DOCK10: variants seen among roughly 807,000 people sequenced by gnomAD.
DOCK10 encodes dedicator of cytokinesis 10, also known as dedicator of cytokinesis protein 10.
Under a neutral mutation model 280.1 loss-of-function variants are expected in DOCK10, and 145 were observed. The ratio of observed to expected loss-of-function variants is 0.52; its 90% CI spans 0.45 to 0.59. The LOEUF is 0.59. Among genes scored for constraint, DOCK10 ranks in the 20% least tolerant of loss-of-function variants. The pLI, the probability that DOCK10 is intolerant of heterozygous loss-of-function variation, is 0.00. For synonymous variants in DOCK10, 915 were observed against 942.2 expected (o/e 0.97, Z 0.53); for missense variants, 2,368 against 2,651.7 (o/e 0.89, Z 2.35).
chr2:224,807,964 C>G lies in DOCK10; in HGVS notation c.3532G>C (p.Val1178Leu). Residue 1178 changes from valine to leucine, a missense_variant, in exon 32 of 56, where the codon GTC becomes CTC. Around this residue, in one of 2 missense-constraint regions of DOCK10, gnomAD observed 1,159 missense variants for 1,400.8 expected, o/e 0.83. Transcript: ENST00000258390. ...DQDVRHLALAVLKNLMAKHSF... is the reference protein window; with the variant it reads ...DQDVRHLALALLKNLMAKHSF... The stretch of plus-strand genomic sequence containing the variant: ...TGCTTAGCCATTAGATTTTTTAGGA[C>G]AGCTAAAGCTAAGTGTCTGACATCT... The G allele has an allele frequency of 6.2e-7, 1 of 1,612,850 alleles. No homozygotes were observed. The highest frequency in any genetic ancestry group is 8.5e-7 in the Non-Finnish European group (1 of 1,179,392).
At chr2:225,004,850 G>A (rs1375621) in intron 1 of DOCK10, among the ~76,000 whole-genome samples, 22,358 of 152,192 alleles carry the variant, frequency 0.15, 2,876 homozygotes, top group African/African-American at 0.34. Context: ...TTCAGTCCAC[G>A]TGTGGCTCAG....
intron 1 of DOCK10, among the ~76,000 whole-genome samples, chr2:225,035,551 T>TG (rs1553634854): frequency 6.2e-5 from 2 of 32,416 alleles, no homozygotes; most frequent in African/African-American, 2.2e-4. Flanking sequence ...ATTATATATA[T>TG]ATATATATAT....
At chr2:225,004,613 T>G (rs908867617) in intron 1 of DOCK10, among the ~76,000 whole-genome samples, 4 of 152,168 alleles carry the variant, frequency 2.6e-5, no homozygotes, top group African/African-American at 9.7e-5. Context: ...CCTTAAGAAA[T>G]GGGGGAGCTG....
intron 1 of DOCK10, among the ~76,000 whole-genome samples, chr2:225,040,872 A>T (rs1413179883): frequency 6.6e-6 from 1 of 152,176 alleles, no homozygotes; most frequent in Non-Finnish European, 1.5e-5. Flanking sequence ...GTTCTTTTGA[A>T]CAGTTTGTCT....
At chr2:224,823,995 AG>A (rs1694680721) in intron 27 of DOCK10, among the ~76,000 whole-genome samples, 1 of 141,780 alleles carries the variant, frequency 7.1e-6, no homozygotes, top group East Asian at 1.9e-4. Context: ...CTTCCCTCTC[AG>A]GGAATAGCTA....
intron 27 of DOCK10, among the ~76,000 whole-genome samples, chr2:224,827,554 C>A (rs532051363): frequency 2.0e-4 from 31 of 152,106 alleles, no homozygotes; most frequent in Non-Finnish European, 3.8e-4. Context: ...GAATTTTAGT[C>A]CAATCCACTC....
chr2:224,773,695 G>A (rs1298056325), intron 52 of DOCK10, among the ~76,000 whole-genome samples: 1 of 151,036 alleles, frequency 6.6e-6, no homozygotes, highest in Non-Finnish European at 1.5e-5. Context: ...GCAGTGGCGC[G>A]ATCTCGGCTC....
At chr2:224,945,813 T>A (rs1703380363) in intron 1 of DOCK10, among the ~76,000 whole-genome samples, 1 of 152,100 alleles carries the variant, frequency 6.6e-6, no homozygotes, top group Non-Finnish European at 1.5e-5. Context: ...CCCGGAGACG[T>A]TTAGCAATGT....
intron 51 of DOCK10, 78 bp downstream of exon 51, chr2:224,778,060 A>G (rs1691000419): frequency 5.0e-6 from 7 of 1,412,186 alleles, no homozygotes; most frequent in Non-Finnish European, 6.8e-6. Context: ...TCAGGCAGAA[A>G]ATGAAAACTT....
chr2:225,014,076 A>AATATAT (rs770548693), intron 1 of DOCK10, among the ~76,000 whole-genome samples: 4,229 of 87,526 alleles, frequency 0.048, 157 homozygotes, highest in East Asian at 0.14. Flanking sequence ...CAGAAGTCTG[A>AATATAT]ATATATTGTT....
intron 1 of DOCK10, among the ~76,000 whole-genome samples, chr2:224,950,553 T>C (rs564161037): frequency 2.4e-4 from 37 of 152,256 alleles, no homozygotes; most frequent in African/African-American, 7.9e-4. Flanking sequence ...AGATGCCAGG[T>C]TTCTGACTGG....
Position 224,845,334 on chromosome 2 carries a change from AG to A in DOCK10, c.2360-11del. On this transcript the variant is annotated splice_polypyrimidine_tract_variant and intron_variant, in intron 20 of 55. Coordinates refer to ENST00000258390, the MANE Select transcript of DOCK10 (RefSeq NM_014689.3). ...AGCCAAGCATATCCAACTGTGCAAA[AG>A]AATAACCAACAAAAATTCTGAGTAC... 3 of 1,585,190 alleles carry A rather than the reference AG, an allele frequency of 1.9e-6. No homozygotes were observed. The highest frequency in any genetic ancestry group is 2.6e-6 in the Non-Finnish European group (3 of 1,165,044).
intron 23 of DOCK10, 44 bp downstream of exon 23, chr2:224,841,760 T>G: frequency 7.2e-7 from 1 of 1,392,670 alleles, no homozygotes; most frequent in Non-Finnish European, 1.0e-6. Context: ...CTTTTGCACA[T>G]TTTTACCCTG....
Position 225,018,532 on chromosome 2 carries a change from A to AAGGTGGAGAGGTTCCTAGGCCTT in DOCK10, c.123+23719_123+23720insAAGGCCTAGGAACCTCTCCACCT, listed in dbSNP as rs1559965806. On this transcript the variant is annotated intron_variant, in intron 1 of 55. Transcript: ENST00000258390. ...GTAATATTATATATATATAATATATATGTAATATTATATATATATAATATA... is the reference window on the plus strand; with the variant it reads ...GTAATATTATATATATATAATATATAAGGTGGAGAGGTTCCTAGGCCTTTGTAATATTATATATATATAATATA... Among the ~76,000 whole-genome samples the AAGGTGGAGAGGTTCCTAGGCCTT allele has an allele frequency of 4.3e-3, 158 of 36,430 alleles. 26 individuals are homozygous for AAGGTGGAGAGGTTCCTAGGCCTT. Among genetic ancestry groups the AAGGTGGAGAGGTTCCTAGGCCTT allele is most frequent in the Middle Eastern group, 0.022 (1 of 46 alleles). The allele number at this position is 36,430 out of a possible 152,430, so 23.9% of individuals were successfully genotyped here.
At chr2:224,920,568 C>A (rs13419400) in intron 2 of DOCK10, among the ~76,000 whole-genome samples, 35,027 of 148,466 alleles carry the variant, frequency 0.24, 4,527 homozygotes, top group Admixed American at 0.29. Flanking sequence ...GTTTCCTATT[C>A]GGATGGATAA....
At chr2:224,860,844 G>A (rs1018482359) in intron 14 of DOCK10, 16 of 152,324 alleles carry the variant, frequency 1.1e-4, no homozygotes, top group African/African-American at 1.7e-4. Context: ...GCCTCCTAAA[G>A]TATTGGGATT....
At chr2:224,972,181 G>T (rs1266830750) in intron 1 of DOCK10, among the ~76,000 whole-genome samples, 1 of 152,150 alleles carries the variant, frequency 6.6e-6, no homozygotes, top group Non-Finnish European at 1.5e-5. Context: ...ATCAGAATTG[G>T]AAGTGCTCAG....
intron 2 of DOCK10, among the ~76,000 whole-genome samples, chr2:224,925,251 C>T (rs1655032277): frequency 6.6e-6 from 1 of 152,012 alleles, no homozygotes; most frequent in South Asian, 2.1e-4. Flanking sequence ...AATCTTTCTG[C>T]TTCCTTTCCT....
chr2:224,996,980 T>G lies in DOCK10; in HGVS notation c.123+45272A>C, dbSNP rs377222496. Among the ~76,000 whole-genome samples the G allele has an allele frequency of 1.1e-4, 17 of 152,326 alleles. No homozygotes were observed. In the East Asian group the frequency reaches 2.7e-3, roughly 24 times the overall value. ...AAGCTCCACTAGCCACACTGACTTCTGATTAGAGGCAGGAGAAGGAAAGGA... is the reference window on the plus strand; with the variant it reads ...AAGCTCCACTAGCCACACTGACTTCGGATTAGAGGCAGGAGAAGGAAAGGA... On this transcript the variant is annotated intron_variant, in intron 1 of 55. Transcript: ENST00000258390.
Sources: gnomAD v4.1 joint callset for allele counts (sites outside exome capture counted in the v4.1 genomes callset) on GRCh38, gnomAD v4.1.1 for gene constraint, gnomAD v4.1.1 regional missense constraint, MANE v1.5 for transcripts, NCBI Gene and HGNC (gene_info 2026-07-23, HGNC 2026-07-21) for gene names.